Variants in HELZ observed in about 807,000 individuals in gnomAD.
HELZ encodes helicase with zinc finger, also known as ATP-dependent RNA helicase with zinc finger domain.
In HELZ, 23 loss-of-function variants were observed where a neutral mutation model predicts 218.2. The observed-to-expected ratio is 0.11, with a 90% CI of 0.08 to 0.15. The LOEUF is 0.15. Among genes scored for constraint, HELZ ranks in the 10% least tolerant of loss-of-function variants. HELZ has a pLI of 1.00. For missense variants in HELZ, 1,813 were observed against 2,353.7 expected (o/e 0.77, Z 4.75); for synonymous variants, 814 against 829.4 (o/e 0.98, Z 0.32).
At chr17:67,160,451 C>T in intron 16 of HELZ, 89 bp from the exon 17 acceptor site, 1 of 820,998 alleles carries the variant, frequency 1.2e-6, no homozygotes, top group Non-Finnish European at 2.0e-6. Context: ...CAGTGGCCAT[C>T]CTAATATTAT....
chr17:67,138,246 C>A, intron 21 of HELZ, 132 bp from the exon 22 acceptor site: 1 of 574,202 alleles, frequency 1.7e-6, no homozygotes, highest in Non-Finnish European at 2.8e-6. Flanking sequence ...AAAAACTACC[C>A]CTAAATGGGA....
intron 23 of HELZ, among the ~76,000 whole-genome samples, chr17:67,134,654 C>G (rs2038091159): frequency 6.6e-6 from 1 of 151,708 alleles, no homozygotes; most frequent in South Asian, 2.1e-4. Context: ...GAAACTTATT[C>G]TTAAAGGTCC....
chr17:67,196,429 C>T (rs975819016), intron 7 of HELZ, among the ~76,000 whole-genome samples: 6 of 152,192 alleles, frequency 3.9e-5, no homozygotes, highest in East Asian at 3.8e-4. Flanking sequence ...TCGTTATCAG[C>T]GATATACACA....
intron 3 of HELZ, among the ~76,000 whole-genome samples, chr17:67,223,696 G>T (rs1279056333): frequency 6.6e-6 from 1 of 152,078 alleles, no homozygotes; most frequent in Admixed American, 6.5e-5. Context: ...AGGTTGCAGT[G>T]AGCTGAGATT....
rs758879152 is a variant in HELZ at position 67,136,011 on chromosome 17, C to T, written c.3141G>A (p.Val1047=). Residue 1047 remains valine (V), a synonymous_variant, in exon 23 of 33, where the codon GTG becomes GTA. Coordinates refer to ENST00000358691, the MANE Select transcript of HELZ (RefSeq NM_014877.4). ...AITRAQSLVA[V]VGDPIALCSI... ...AGCACAGAGCAATGGGATCACCCAC[C>T]ACAGCAACCAGGGATTGTGCTCTTG... 2 of 1,613,808 alleles carry T rather than the reference C, an allele frequency of 1.2e-6. No individual in the cohort carries two copies. The highest frequency in any genetic ancestry group is 8.5e-7 in the Non-Finnish European group (1 of 1,179,858).
intron 3 of HELZ, among the ~76,000 whole-genome samples, chr17:67,234,455 A>G (rs913559448): frequency 6.6e-6 from 1 of 151,936 alleles, no homozygotes; most frequent in Non-Finnish European, 1.5e-5. Context: ...TCAGGTTCTC[A>G]TCGCCCTCAC....
intron 6 of HELZ, 111 bp downstream of exon 6, chr17:67,203,208 A>C (rs934176603): frequency 1.8e-6 from 2 of 1,111,274 alleles, no homozygotes; most frequent in Non-Finnish European, 1.3e-6. Flanking sequence ...GCTTTCTAAT[A>C]GAGGAAGAAC....
intron 17 of HELZ, among the ~76,000 whole-genome samples, chr17:67,156,439 T>G (rs1470086166): frequency 6.6e-6 from 1 of 152,148 alleles, no homozygotes; most frequent in Non-Finnish European, 1.5e-5. Context: ...TTATCCAGAT[T>G]GTTCTCTCCA....
rs186705064 is a variant in HELZ, at chr17:67,124,030, C to A, written c.3388-16G>T. The A allele has an allele frequency of 5.3e-6, 8 of 1,513,646 alleles. No individual in the cohort carries two copies. The South Asian group carries it at 7.9e-5, about 15-fold the overall frequency. 93.8% of individuals were successfully genotyped at this position (1,513,646 alleles called of 1,614,324 possible). ...GACTTTTCCCCTTTAAAGAAAAACA[C>A]AAATGTATAATAATTTAAGCATGTT... is the stretch of plus-strand genomic sequence containing the variant. On this transcript the variant is annotated splice_polypyrimidine_tract_variant and intron_variant, in intron 24 of 32. Coordinates refer to ENST00000358691, the MANE Select transcript of HELZ (RefSeq NM_014877.4).
At chr17:67,150,031 C>G in intron 18 of HELZ, 46 bp from the exon 19 acceptor site, 1 of 1,121,796 alleles carries the variant, frequency 8.9e-7, no homozygotes, top group Non-Finnish European at 1.3e-6. Context: ...AGAGCAGCAA[C>G]AAAGGCAGAA....
At chr17:67,125,889 G>A (rs1332813944) in intron 24 of HELZ, among the ~76,000 whole-genome samples, 1 of 152,172 alleles carries the variant, frequency 6.6e-6, no homozygotes, top group Non-Finnish European at 1.5e-5. Flanking sequence ...GAGATTCCCA[G>A]GGAAAGGAGG....
intron 5 of HELZ, among the ~76,000 whole-genome samples, chr17:67,206,660 G>A (rs575376647): frequency 2.2e-4 from 32 of 147,546 alleles, no homozygotes; most frequent in Non-Finnish European, 4.3e-4. Flanking sequence ...GTGGAATGGC[G>A]CGATCTTGGC....
At position 67,078,196 on chromosome 17, in the gene HELZ, T is replaced by C; in HGVS notation, c.*56A>G. On this transcript the variant is annotated 3_prime_UTR_variant, in exon 33 of 33. Transcript: ENST00000358691. ...TATAGATGAAGTCCAACTACCTTAA[T>C]TCTACTGATACAAACAGAAATTAAA... 7.8e-7 allele frequency: 1 copy of C among 1,275,844 alleles called. No individual in the cohort carries two copies. Among genetic ancestry groups the C allele is most frequent in the South Asian group, 1.2e-5 (1 of 81,048 alleles). 79.0% of individuals were successfully genotyped at this position (1,275,844 alleles called of 1,614,324 possible).
intron 25 of HELZ, among the ~76,000 whole-genome samples, chr17:67,123,553 G>C (rs2143842758): frequency 6.6e-6 from 1 of 152,122 alleles, no homozygotes; most frequent in East Asian, 1.9e-4. Context: ...TGAAAGTTAA[G>C]GAATTATTTT....
At position 67,151,120 on chromosome 17, in the gene HELZ, T is replaced by A. The variant is rs758794208; in HGVS notation, c.2282A>T (p.Asp761Val). ...AACCACCACTCGATGTTTAAGAATA[T>A]CTTCTTTCTGGGGCATCTGAAAGGT... ...HSTFQMPQKE[D>V]ILKHRVVVVT... is the part of the protein sequence containing the mutation. The change falls in exon 18 of 33, where the codon GAT becomes GTT. Residue 761 changes from aspartate (D) to valine (V), a missense_variant. Transcript: ENST00000358691. The A allele has an allele frequency of 2.5e-6, 4 of 1,613,988 alleles. No individual in the cohort carries two copies. The highest frequency in any genetic ancestry group is 3.4e-6 in the Non-Finnish European group (4 of 1,179,896).
intron 21 of HELZ, among the ~76,000 whole-genome samples, chr17:67,141,329 C>T (rs1323279110): frequency 1.3e-5 from 2 of 151,976 alleles, no homozygotes; most frequent in Non-Finnish European, 2.9e-5. Flanking sequence ...AAAAATGACA[C>T]CAGATGGTAA....
chr17:67,232,052 C>CAAAAAAAAAAAAAAAAAAAA (rs754429326), intron 3 of HELZ, among the ~76,000 whole-genome samples: 1 of 42,484 alleles, frequency 2.4e-5, no homozygotes, highest in Non-Finnish European at 5.6e-5. Context: ...GACTCCATCT[C>CAAAAAAAAAAAAAAAAAAAA]AAAAAAAAAA....
chr17:67,159,539 A>AC (rs2038937991), intron 17 of HELZ, among the ~76,000 whole-genome samples: 1 of 152,214 alleles, frequency 6.6e-6, no homozygotes, highest in Admixed American at 6.5e-5. Flanking sequence ...ATGACATATT[A>AC]GTTTGTAAAA....
chr17:67,231,914 G>A (rs548351865), intron 3 of HELZ, among the ~76,000 whole-genome samples: 4 of 151,316 alleles, frequency 2.6e-5, no homozygotes, highest in African/African-American at 4.8e-5. Context: ...TTAACCAGGC[G>A]TGGTGGCAGG....
Sources: allele counts gnomAD v4.1 joint callset (sites outside exome capture counted in the v4.1 genomes callset), GRCh38; gene constraint gnomAD v4.1.1; transcripts MANE v1.5; gene names NCBI Gene and HGNC (gene_info 2026-07-23, HGNC 2026-07-21).